ZFHX2: variants seen among roughly 807,000 people sequenced by gnomAD.
ZFHX2 encodes the protein zinc finger homeobox 2.
In ZFHX2, 75 loss-of-function variants were observed where a neutral mutation model predicts 164.8. That is an observed-to-expected ratio of 0.46 (90% CI 0.38 to 0.55). The LOEUF (loss-of-function observed/expected upper bound fraction) is 0.55. ZFHX2 is among the 20% of genes least tolerant of loss of function. ZFHX2 has a pLI of 0.00. For synonymous variants in ZFHX2, 1,217 were observed against 1,351.4 expected (o/e 0.90, Z 2.18); for missense variants, 2,933 against 3,308.0 (o/e 0.89, Z 2.78).
intron 1 of ZFHX2, chr14:23,544,178 C>T (rs1470728645): frequency 6.6e-6 from 1 of 151,476 alleles, no homozygotes; most frequent in Non-Finnish European, 1.5e-5. Flanking sequence ...TCGCTTGAAC[C>T]CGGGAAGCAG....
chr14:23,549,167 T>G (rs766312141), intron 1 of ZFHX2, among the ~76,000 whole-genome samples: 19 of 152,216 alleles, frequency 1.2e-4, no homozygotes, highest in Non-Finnish European at 2.5e-4. Flanking sequence ...TGTATTGCTA[T>G]CAACACGTTT....
At position 23,524,941 on chromosome 14, in the gene ZFHX2, C is replaced by T; in HGVS notation, c.5001G>A (p.Gly1667=). Residue 1667 remains glycine, a synonymous_variant, in exon 9 of 10, where the codon GGG becomes GGA. Coordinates refer to ENST00000419474, the MANE Select transcript of ZFHX2 (RefSeq NM_033400.3). This position sits in a 1 kb window ranked among gnomAD's most constrained non-coding sequence, Gnocchi z 5.6. ...GGCAACGCCTGCAGCCGGAGGCTCC[C>T]CCAGTGCCTCCTCCGGTTGGCATGG... The part of the protein sequence containing the change: ...GGSMPTGGGT[G]GASGCRRCHA... 1.3e-6 allele frequency: 2 copies of T among 1,536,276 alleles called. No individual in the cohort carries two copies. The highest frequency in any genetic ancestry group is 2.4e-5 in the South Asian group (2 of 84,068).
chr14:23,529,178 C>A (rs929119835), intron 6 of ZFHX2, among the ~76,000 whole-genome samples: 1 of 152,202 alleles, frequency 6.6e-6, no homozygotes, highest in South Asian at 2.1e-4. Flanking sequence ...AGCTGCCATT[C>A]CTGGGTGCTG....
In ZFHX2 at chr14:23,531,733, G is replaced by T. The variant is rs1879579247; in HGVS notation, c.2560-12C>A. ...ATGTCCAGCAGAAACTAGAACCATG[G>T]GAAGAGGCTGGCTCAGGCCCAGAAG... On this transcript the variant is annotated splice_polypyrimidine_tract_variant and intron_variant, in intron 3 of 9. Coordinates refer to ENST00000419474, the MANE Select transcript of ZFHX2 (RefSeq NM_033400.3). 1 of 1,328,088 alleles carries T rather than the reference G, an allele frequency of 7.5e-7. No individual in the cohort carries two copies. The highest frequency in any genetic ancestry group is 9.7e-7 in the Non-Finnish European group (1 of 1,035,908). The allele number at this position is 1,328,088 out of a possible 1,614,324, so 82.3% of individuals were successfully genotyped here.
chr14:23,524,039 T>C lies in ZFHX2; in HGVS notation c.5903A>G (p.Tyr1968Cys). The change falls in exon 9 of 10, where the codon TAC becomes TGC. Residue 1968 changes from tyrosine (Y) to cysteine (C), a missense_variant. Physicochemically the swap from Tyr to Cys is radical, Grantham distance 194. Transcript: ENST00000419474. The surrounding 1 kb of genome is among the most constrained non-coding windows in gnomAD (Gnocchi z 5.6). ...CCCAGAAGCAAGCGTGGCAGTGGGG[T>C]AGGGAAAAGCAGGTGCTTCCCTCTT... The part of the protein sequence containing the change: ...APKREAPAFP[Y>C]PTATLASGPQ... The C allele has an allele frequency of 2.0e-6, 3 of 1,513,872 alleles. No individual in the cohort carries two copies. The highest frequency in any genetic ancestry group is 2.5e-5 in the South Asian group (2 of 80,622). The allele number at this position is 1,513,872 out of a possible 1,614,324, so 93.8% of individuals were successfully genotyped here.
At position 23,525,540 on chromosome 14, in the gene ZFHX2, G is replaced by A; in HGVS notation, c.4402C>T (p.Pro1468Ser). The A allele has an allele frequency of 6.5e-7, 1 of 1,535,502 alleles. No homozygotes were observed. The highest frequency in any genetic ancestry group is 8.7e-7 in the Non-Finnish European group (1 of 1,146,910). The change falls in exon 9 of 10, where the codon CCA (proline) becomes TCA (serine). Residue 1468 changes from proline (P) to serine (S), a missense_variant. Physicochemically the swap from Pro to Ser is moderately conservative, Grantham distance 74. Coordinates refer to ENST00000419474, the MANE Select transcript of ZFHX2 (RefSeq NM_033400.3). This position sits in a 1 kb window ranked among gnomAD's most constrained non-coding sequence, Gnocchi z 5.9. ...GKQAVPPPPTPPPPEALGGGD... is the reference protein window; with the variant it reads ...GKQAVPPPPTSPPPEALGGGD... ...CCCCCGAGGGCCTCAGGTGGGGGTG[G>A]GGTAGGGGGAGGGGGCACAGCTTGC...
At chr14:23,554,040 A>G (rs1439096648), upstream of ZFHX2, among the ~76,000 whole-genome samples, 2 of 69,426 alleles carry the variant, frequency 2.9e-5, no homozygotes, top group Non-Finnish European at 5.0e-5. Flanking sequence ...CTCTGTCTCA[A>G]AAAAAAAAAA....
At chr14:23,552,288 A>AT (rs891218317), upstream of ZFHX2, among the ~76,000 whole-genome samples, 3,628 of 133,984 alleles carry the variant, frequency 0.027, 82 homozygotes, top group East Asian at 0.1. Context: ...GTGCTCCTGA[A>AT]TTTTTTTTTT....
chr14:23,522,502 A>G lies in ZFHX2; in HGVS notation c.7179T>C (p.Ile2393=). Residue 2393 remains isoleucine, a synonymous_variant, in exon 10 of 10, where the codon ATT becomes ATC. Coordinates refer to ENST00000419474, the MANE Select transcript of ZFHX2 (RefSeq NM_033400.3). ...GGAGGAGGGCATTGGGGAGCAGCCC[A>G]ATGAGGGTCTGAGGTATCATGGGGT... ...PMNPMIPQTL[I]GLLPNALLQP... 2.6e-6 allele frequency: 4 copies of G among 1,533,428 alleles called. No individual in the cohort carries two copies. The South Asian group carries it at 4.8e-5, about 18-fold the overall frequency. The allele number at this position is 1,533,428 out of a possible 1,614,324, so 95.0% of individuals were successfully genotyped here. A position where few individuals can be genotyped will look rare whatever the true frequency, so the allele number is the denominator to read the frequency against.
intron 1 of ZFHX2, chr14:23,548,503 C>T (rs1881622207): frequency 6.6e-6 from 1 of 152,164 alleles, no homozygotes; most frequent in Admixed American, 6.5e-5. Context: ...AGGGAGGAAC[C>T]CTGTCAGGTT....
intron 1 of ZFHX2, among the ~76,000 whole-genome samples, chr14:23,550,260 G>A (rs1181149804): frequency 3.3e-5 from 5 of 152,176 alleles, no homozygotes; most frequent in Non-Finnish European, 7.3e-5. Flanking sequence ...GAAGGCACTA[G>A]AGGCTTTGGC....
chr14:23,534,721 T>C lies in ZFHX2; in HGVS notation c.605A>G (p.Glu202Gly). The change falls in exon 2 of 10, where the codon GAA (glutamate) becomes GGA (glycine). Residue 202 changes from glutamate to glycine, a missense_variant. Transcript: ENST00000419474. This position sits in a 1 kb window ranked among gnomAD's most constrained non-coding sequence, Gnocchi z 4.5. ...GTAGCTCCAGAAAGCTCCATGCCTT[T>C]CCTCACAGGCAGCCGGAGATGGTGC... ...TSAPSPAACEERHGAFWSYQL... is the reference protein window; with the variant it reads ...TSAPSPAACEGRHGAFWSYQL... 4 of 1,536,132 alleles carry C rather than the reference T, an allele frequency of 2.6e-6. No homozygotes were observed. Among genetic ancestry groups the C allele is most frequent in the Non-Finnish European group, 3.5e-6 (4 of 1,146,904 alleles).
At chr14:23,544,733 G>T (rs1231288790) in intron 1 of ZFHX2, among the ~76,000 whole-genome samples, 2 of 152,170 alleles carry the variant, frequency 1.3e-5, no homozygotes, top group African/African-American at 4.8e-5. Context: ...CTCTAATGGC[G>T]CTAACCTCAT....
chr14:23,529,082 T>C (rs1390756521), intron 6 of ZFHX2, among the ~76,000 whole-genome samples: 4 of 152,230 alleles, frequency 2.6e-5, no homozygotes, highest in Non-Finnish European at 5.9e-5. Flanking sequence ...TAACAATAAA[T>C]GTTACATATT....
intron 6 of ZFHX2, 64 bp downstream of exon 6, chr14:23,529,646 T>A: frequency 7.1e-7 from 1 of 1,412,856 alleles, no homozygotes; most frequent in Non-Finnish European, 9.7e-7. Context: ...GCCTTTAGAA[T>A]ATGAGCAGAT....
At position 23,533,084 on chromosome 14, in the gene ZFHX2, G is replaced by A. The variant is rs772781610; in HGVS notation, c.2042C>T (p.Ala681Val). 5.3e-6 allele frequency: 8 copies of A among 1,521,978 alleles called. No homozygotes were observed. The highest frequency in any genetic ancestry group is 7.0e-6 in the Non-Finnish European group (8 of 1,138,892). The allele number at this position is 1,521,978 out of a possible 1,614,324, so 94.3% of individuals were successfully genotyped here. A position where few individuals can be genotyped will look rare whatever the true frequency, so the allele number is the denominator to read the frequency against. The change falls in exon 3 of 10, where the codon GCC becomes GTC. Residue 681 changes from alanine to valine, a missense_variant and splice_region_variant. Transcript: ENST00000419474. This position sits in a 1 kb window ranked among gnomAD's most constrained non-coding sequence, Gnocchi z 4.8. ...GGCATCAGGGGATAGGCTTCCAGGG[G>A]CTAGAGGACAGAGACAGATTAGTGG... ...GAPARKFPTS[A>V]PGSLSPDAHL... is the part of the protein sequence containing the mutation.
At chr14:23,553,321 C>T (rs933829492), upstream of ZFHX2, among the ~76,000 whole-genome samples, 6 of 152,184 alleles carry the variant, frequency 3.9e-5, no homozygotes, top group South Asian at 2.1e-4. Flanking sequence ...AGAGGCTGGC[C>T]GGGCATGGTG....
chr14:23,529,709 C>T lies in ZFHX2; in HGVS notation c.2934+1G>A, dbSNP rs774626952. 1 of 1,536,160 alleles carries T rather than the reference C, an allele frequency of 6.5e-7. No individual in the cohort carries two copies. The highest frequency in any genetic ancestry group is 8.7e-7 in the Non-Finnish European group (1 of 1,146,886). ...CTCTTCCCAGTTACCCCAATTCTGA[C>T]CGTGGTCTGGTTGGCACTGTCTCTG... On this transcript the variant is annotated splice_donor_variant, in intron 6 of 9. Coordinates refer to ENST00000419474, the MANE Select transcript of ZFHX2 (RefSeq NM_033400.3). LOFTEE classifies it high-confidence loss of function.
rs934864400 is a variant in ZFHX2 at position 23,525,369 on chromosome 14, T to C, written c.4573A>G (p.Ser1525Gly). The C allele has an allele frequency of 6.5e-7, 1 of 1,536,052 alleles. No individual in the cohort carries two copies. The highest frequency in any genetic ancestry group is 8.7e-7 in the Non-Finnish European group (1 of 1,146,902). Residue 1525 changes from serine to glycine, a missense_variant, in exon 9 of 10, where the codon AGC (serine) becomes GGC (glycine). Physicochemically the swap from Ser to Gly is moderately conservative, Grantham distance 56. Transcript: ENST00000419474. The surrounding 1 kb of genome is among the most constrained non-coding windows in gnomAD (Gnocchi z 5.9). The stretch of plus-strand genomic sequence containing the variant: ...GGCTCTGCAAGGGGCGGGTATAGGC[T>C]GTCATAGCTCTTTCGAAACTGAGCA... The part of the protein sequence containing the change: ...YAAQFRKSYD[S>G]LYPPLAEPPK...
Sources: gnomAD v4.1 joint callset for allele counts (sites outside exome capture counted in the v4.1 genomes callset) on GRCh38, gnomAD v4.1.1 for gene constraint, Gnocchi (gnomAD v3.1) non-coding constraint, MANE v1.5 for transcripts, NCBI Gene and HGNC (gene_info 2026-07-23, HGNC 2026-07-21) for gene names.